Variants in AMPH observed in about 807,000 individuals in gnomAD.
The protein encoded by AMPH is amphiphysin.
A neutral mutation model predicts 99.1 loss-of-function variants in AMPH; 49 were observed. That is an observed-to-expected ratio of 0.49 (90% CI 0.39 to 0.63). AMPH has a LOEUF of 0.63. Ranked by LOEUF, AMPH falls within the 20% of genes least tolerant of loss-of-function variation. The pLI, the probability that AMPH is intolerant of heterozygous loss-of-function variation, is 0.00. For synonymous variants in AMPH, 314 were observed against 317.3 expected (o/e 0.99, Z 0.11); for missense variants, 759 against 863.4 (o/e 0.88, Z 1.52).
chr7:38,619,027 G>C lies in AMPH; in HGVS notation c.69+12256C>G, dbSNP rs556497420. 5.9e-5 allele frequency among the ~76,000 whole-genome samples: 9 copies of C among 152,166 alleles called. No homozygotes were observed. In the South Asian group the frequency reaches 1.7e-3, roughly 28 times the overall value. On this transcript the variant is annotated intron_variant, in intron 1 of 20. Transcript: ENST00000356264. Reference sequence around the variant, plus strand: ...ACAAATAAGTTGAAAGTATAAGGATGAAAAAGATATCTCATGCTGCCAGGC... The same window carrying C: ...ACAAATAAGTTGAAAGTATAAGGATCAAAAAGATATCTCATGCTGCCAGGC...
At chr7:38,516,909 T>C (rs1789767794) in intron 2 of AMPH, among the ~76,000 whole-genome samples, 1 of 152,222 alleles carries the variant, frequency 6.6e-6, no homozygotes, top group African/African-American at 2.4e-5. Flanking sequence ...AATGACTGCC[T>C]TGCTGGGTTT....
rs947878093 is a variant in AMPH at position 38,547,004 on chromosome 7, C to T, written c.70-11993G>A. 3.9e-5 allele frequency among the ~76,000 whole-genome samples: 6 copies of T among 152,120 alleles called. No homozygotes were observed. In the East Asian group the frequency reaches 5.8e-4, roughly 15 times the overall value. ...TAAGCATCAGCAAGAGATGCAAGGGCGGGCAAAGGTGGGAGGAGGGAGAGC... is the reference window on the plus strand; with the variant it reads ...TAAGCATCAGCAAGAGATGCAAGGGTGGGCAAAGGTGGGAGGAGGGAGAGC... On this transcript the variant is annotated intron_variant, in intron 1 of 20. Coordinates refer to ENST00000356264, the MANE Select transcript of AMPH (RefSeq NM_001635.4).
intron 2 of AMPH, among the ~76,000 whole-genome samples, chr7:38,533,634 A>G (rs2392581): frequency 0.39 from 58,677 of 151,708 alleles, 11,601 homozygotes; most frequent in Middle Eastern, 0.53. Context: ...GGAGCAAAAT[A>G]AAACCTGTGA....
chr7:38,409,029 C>T (rs1785139491), intron 17 of AMPH, among the ~76,000 whole-genome samples: 1 of 152,152 alleles, frequency 6.6e-6, no homozygotes, highest in Non-Finnish European at 1.5e-5. Flanking sequence ...CCAATGTTCT[C>T]ATTTTAGAAG....
chr7:38,530,002 G>C (rs1309810386), intron 2 of AMPH, among the ~76,000 whole-genome samples: 2 of 151,944 alleles, frequency 1.3e-5, no homozygotes, highest in Non-Finnish European at 2.9e-5. Flanking sequence ...CATATACCAG[G>C]TTCTTAAAAA....
intron 1 of AMPH, among the ~76,000 whole-genome samples, chr7:38,535,474 TCATGGAA>T (rs1790564392): frequency 6.6e-6 from 1 of 152,200 alleles, no homozygotes; most frequent in Non-Finnish European, 1.5e-5. Flanking sequence ...GGGACCAGTT[TCATGGAA>T]GACAATTTTT....
At position 38,631,154 on chromosome 7, in the gene AMPH, C is replaced by T. The variant is rs1794447854; in HGVS notation, c.69+129G>A. ...GCTGAGGGCAGGGCGTCCCAGCGTCCCTGGCCCCGGCCCCGCTCCGCAGCG... is the reference window on the plus strand; with the variant it reads ...GCTGAGGGCAGGGCGTCCCAGCGTCTCTGGCCCCGGCCCCGCTCCGCAGCG... On this transcript the variant is annotated intron_variant, in intron 1 of 20. Coordinates refer to ENST00000356264, the MANE Select transcript of AMPH (RefSeq NM_001635.4). 7.2e-6 allele frequency: 6 copies of T among 829,426 alleles called. No individual in the cohort carries two copies. The South Asian group carries it at 2.9e-4, about 40-fold the overall frequency. The allele number at this position is 829,426 out of a possible 1,614,324, so 51.4% of individuals were successfully genotyped here. A position where few individuals can be genotyped will look rare whatever the true frequency, so the allele number is the denominator to read the frequency against.
Position 38,410,923 on chromosome 7 carries a change from C to T in AMPH, c.1398+6902G>A, listed in dbSNP as rs1232162681. Among the ~76,000 whole-genome samples the T allele has an allele frequency of 5.9e-5, 9 of 152,316 alleles. No individual in the cohort carries two copies. The East Asian group carries it at 7.7e-4, about 13-fold the overall frequency. ...GGAACATCCATCAAGTCTAAGCATT[C>T]GTTGTGGGAAGTCTTTGTGTCCACT... On this transcript the variant is annotated intron_variant, in intron 17 of 20. Transcript: ENST00000356264.
At chr7:38,496,484 G>A (rs1788936634) in intron 3 of AMPH, among the ~76,000 whole-genome samples, 1 of 152,048 alleles carries the variant, frequency 6.6e-6, no homozygotes. Context: ...TGCAGAGTCT[G>A]GGGTAGGAAA....
At chr7:38,386,602 C>A (rs2128972241) in intron 20 of AMPH, among the ~76,000 whole-genome samples, 1 of 152,276 alleles carries the variant, frequency 6.6e-6, no homozygotes, top group South Asian at 2.1e-4. Flanking sequence ...TTGTATTAGA[C>A]AACTCCTTCT....
At chr7:38,605,980 C>T (rs1793422926) in intron 1 of AMPH, among the ~76,000 whole-genome samples, 1 of 152,190 alleles carries the variant, frequency 6.6e-6, no homozygotes, top group South Asian at 2.1e-4. Flanking sequence ...ACTTACTCCT[C>T]ACAACTGTGT....
At chr7:38,541,329 G>A (rs1464492095) in intron 1 of AMPH, among the ~76,000 whole-genome samples, 2 of 51,418 alleles carry the variant, frequency 3.9e-5, no homozygotes, top group African/African-American at 1.3e-4. Context: ...TGCTGGGCAC[G>A]TCCTACACTG....
At chr7:38,609,399 G>A (rs1271369670) in intron 1 of AMPH, among the ~76,000 whole-genome samples, 1 of 152,142 alleles carries the variant, frequency 6.6e-6, no homozygotes, top group African/African-American at 2.4e-5. Context: ...ATTATACCTA[G>A]AAATCCTCCT....
intron 11 of AMPH, among the ~76,000 whole-genome samples, chr7:38,443,272 C>T (rs575802620): frequency 2.2e-4 from 34 of 151,968 alleles, no homozygotes; most frequent in African/African-American, 6.7e-4. Flanking sequence ...ATGAGTTCTC[C>T]GATGAATTCT....
intron 2 of AMPH, among the ~76,000 whole-genome samples, chr7:38,510,454 T>C (rs1005245022): frequency 5.9e-5 from 9 of 152,206 alleles, no homozygotes; most frequent in Admixed American, 5.9e-4. Context: ...ATGAAAGTTT[T>C]TGATCTGGCA....
At chr7:38,587,945 T>TGCGC (rs1333418413) in intron 1 of AMPH, among the ~76,000 whole-genome samples, 50 of 142,464 alleles carry the variant, frequency 3.5e-4, no homozygotes, top group Middle Eastern at 3.5e-3. Context: ...TGTGTGTGTG[T>TGCGC]GTGTGCGCGT....
rs1379240008 is a variant in AMPH, at chr7:38,493,833, T to G, written c.300+600A>C. Among the ~76,000 whole-genome samples the G allele has an allele frequency of 1.1e-4, 17 of 152,212 alleles. 2 individuals carry two copies. The highest frequency in any genetic ancestry group is 1.1e-3 in the Admixed American group (17 of 15,284). ...TGGGACAACACAAATCACACCATGA[T>G]CCATGTCTGCTAGAAATGGGCTGTT... On this transcript the variant is annotated intron_variant, in intron 4 of 20. Transcript: ENST00000356264.
At chr7:38,587,032 CACACACAT>C (rs994546243) in intron 1 of AMPH, among the ~76,000 whole-genome samples, 2 of 151,220 alleles carry the variant, frequency 1.3e-5, no homozygotes, top group Admixed American at 6.6e-5. Context: ...CACACACACA[CACACACAT>C]AAAATCCACA....
At chr7:38,522,468 C>T (rs948110040) in intron 2 of AMPH, among the ~76,000 whole-genome samples, 5 of 151,992 alleles carry the variant, frequency 3.3e-5, no homozygotes, top group East Asian at 3.9e-4. Context: ...GTGAGTATAG[C>T]GGGGAGACTC....
Sources: allele counts gnomAD v4.1 joint callset (sites outside exome capture counted in the v4.1 genomes callset), GRCh38; gene constraint gnomAD v4.1.1; transcripts MANE v1.5; gene names NCBI Gene and HGNC (gene_info 2026-07-23, HGNC 2026-07-21).